PLCH1: variants seen among roughly 807,000 people sequenced by gnomAD.
The protein encoded by PLCH1 is 1-phosphatidylinositol 4,5-bisphosphate phosphodiesterase eta-1.
In PLCH1, 60 loss-of-function variants were observed where a neutral mutation model predicts 126.7. The observed-to-expected ratio is 0.47, with a 90% confidence interval of 0.38 to 0.59. The LOEUF is 0.59. Among genes scored for constraint, PLCH1 ranks in the 20% least tolerant of loss-of-function variants. The pLI, the probability that PLCH1 is intolerant of heterozygous loss-of-function variation, is 0.00. For synonymous variants in PLCH1, 719 were observed against 734.9 expected (o/e 0.98, Z 0.35); for missense variants, 1,723 against 2,040.0 (o/e 0.84, Z 2.99).
chr3:155,542,417 G>A (rs1354620536), intron 10 of PLCH1, among the ~76,000 whole-genome samples: 1 of 152,240 alleles, frequency 6.6e-6, no homozygotes, highest in African/African-American at 2.4e-5. Flanking sequence ...CACAGCTTAA[G>A]AAGGCCTGCC....
intron 2 of PLCH1, among the ~76,000 whole-genome samples, chr3:155,680,653 A>T (rs358896): frequency 6.6e-6 from 1 of 152,120 alleles, no homozygotes; most frequent in African/African-American, 2.4e-5. Flanking sequence ...TCATCAGGCA[A>T]GATGCAGCAA....
intron 1 of PLCH1, among the ~76,000 whole-genome samples, chr3:155,723,038 G>A (rs1748064065): frequency 6.6e-6 from 1 of 152,106 alleles, no homozygotes; most frequent in Non-Finnish European, 1.5e-5. Flanking sequence ...TTTCTTCCTA[G>A]TTTAATCTAG....
chr3:155,553,986 G>A, intron 9 of PLCH1, 90 bp downstream of exon 9: 1 of 1,283,356 alleles, frequency 7.8e-7, no homozygotes, highest in Non-Finnish European at 1.1e-6. Context: ...TAGAGTCCAA[G>A]GAAGAGGATG....
At chr3:155,512,920 G>GC (rs1719788514) in intron 12 of PLCH1, among the ~76,000 whole-genome samples, 1 of 152,216 alleles carries the variant, frequency 6.6e-6, no homozygotes, top group Admixed American at 6.5e-5. Flanking sequence ...TATTCAGGCA[G>GC]CAGCAGTTCA....
intron 8 of PLCH1, among the ~76,000 whole-genome samples, chr3:155,560,888 C>T (rs1197587281): frequency 1.3e-5 from 2 of 152,152 alleles, no homozygotes; most frequent in African/African-American, 4.8e-5. Flanking sequence ...CCTCAACCTC[C>T]TTACCCTGGC....
At chr3:155,542,129 A>C (rs1236422447) in intron 10 of PLCH1, among the ~76,000 whole-genome samples, 1 of 152,196 alleles carries the variant, frequency 6.6e-6, no homozygotes, top group African/African-American at 2.4e-5. Context: ...TCCCTTTCCC[A>C]GTCAAAGAAA....
chr3:155,583,504 C>A lies in PLCH1; in HGVS notation c.739G>T (p.Glu247Ter). The A allele has an allele frequency of 6.2e-7, 1 of 1,606,432 alleles. No homozygotes were observed. Among genetic ancestry groups the A allele is most frequent in the South Asian group, 1.1e-5 (1 of 89,402 alleles). The change falls in exon 6 of 23, where the codon GAA (glutamate) becomes TAA (stop). Residue 247 changes from glutamate to a stop codon, truncating the protein, a stop_gained. Transcript: ENST00000460012. LOFTEE classifies it high-confidence loss of function. ...TCCACCTTCAAAAACTGAGCCAGTT[C>A]TTCCACAGTTAGGTGATCTTTCTTG... ...SDKKDHLTVE[E>*]LAQFLKVEQK...
At chr3:155,734,396 A>T (rs1422733577) in intron 1 of PLCH1, among the ~76,000 whole-genome samples, 1 of 152,184 alleles carries the variant, frequency 6.6e-6, no homozygotes, top group Admixed American at 6.5e-5. Flanking sequence ...TGAGGTCAAG[A>T]CTGCAGTGAG....
At chr3:155,567,690 G>C (rs1303464637) in intron 7 of PLCH1, among the ~76,000 whole-genome samples, 1 of 152,084 alleles carries the variant, frequency 6.6e-6, no homozygotes, top group Admixed American at 6.6e-5. Flanking sequence ...AACATTTCAG[G>C]AGCTAGATTC....
intron 15 of PLCH1, 151 bp from the exon 16 acceptor site, chr3:155,494,668 A>G (rs1716762711): frequency 1.6e-6 from 1 of 640,294 alleles, no homozygotes; most frequent in Admixed American, 2.9e-5. Context: ...CAGCTCCTCA[A>G]CAGAAAAGAC....
At chr3:155,513,819 T>A (rs1345042305) in intron 12 of PLCH1, among the ~76,000 whole-genome samples, 2 of 152,294 alleles carry the variant, frequency 1.3e-5, no homozygotes, top group Admixed American at 6.5e-5. Context: ...AAGCCAATAT[T>A]ATCCTATACT....
chr3:155,489,275 T>A (rs1387003914), intron 19 of PLCH1, among the ~76,000 whole-genome samples: 1 of 152,214 alleles, frequency 6.6e-6, no homozygotes, highest in African/African-American at 2.4e-5. Context: ...CTATTGTACA[T>A]ACATCCTCTT....
intron 8 of PLCH1, among the ~76,000 whole-genome samples, chr3:155,556,286 G>T (rs1166073435): frequency 6.6e-6 from 1 of 152,178 alleles, no homozygotes; most frequent in African/African-American, 2.4e-5. Context: ...CCGGGAGGTG[G>T]AGGATGCAGT....
chr3:155,672,923 C>G (rs1743676705), intron 2 of PLCH1, among the ~76,000 whole-genome samples: 1 of 152,086 alleles, frequency 6.6e-6, no homozygotes, highest in Non-Finnish European at 1.5e-5. Flanking sequence ...TTTACTGCAA[C>G]AGCTTTCTGG....
intron 2 of PLCH1, among the ~76,000 whole-genome samples, chr3:155,667,123 A>G (rs1482487145): frequency 6.6e-6 from 1 of 152,164 alleles, no homozygotes; most frequent in East Asian, 1.9e-4. Flanking sequence ...CCCAAAATCC[A>G]TATTTTTAAA....
In PLCH1 at chr3:155,494,354, G is replaced by A. The variant is rs779270275; in HGVS notation, c.2058C>T (p.Asn686=). The change falls in exon 16 of 23, where the codon AAC becomes AAT. Residue 686 remains asparagine (N), a synonymous_variant. Coordinates refer to ENST00000460012, the MANE Select transcript of PLCH1 (RefSeq NM_014996.4). ...AATACACACCTAGCTGGCAGCCTGC[G>A]TTCCAGTAGGGGAGAGGGTTGAAGT... is the stretch of plus-strand genomic sequence containing the variant. ...SSNFNPLPYW[N]AGCQLVALNY... is the part of the protein sequence containing the mutation. The A allele has an allele frequency of 1.5e-5, 24 of 1,613,944 alleles. No individual in the cohort carries two copies. The highest frequency in any genetic ancestry group is 3.3e-5 in the Admixed American group (2 of 59,996).
rs533468936 is a variant in PLCH1 at position 155,709,941 on chromosome 3, G to A, written c.-40-5677C>T. ...CCTTTTTAAAAATTTTAATCAGGTT[G>A]TTTACTTATTGTCAAGCTTTAAGAA... On this transcript the variant is annotated intron_variant, in intron 1 of 22. Transcript: ENST00000460012. 3.3e-3 allele frequency among the ~76,000 whole-genome samples: 499 copies of A among 152,204 alleles called. 3 individuals are homozygous for A. Among genetic ancestry groups the A allele is most frequent in the Non-Finnish European group, 5.6e-3 (379 of 68,014 alleles).
At chr3:155,588,999 G>T (rs1265468042) in intron 4 of PLCH1, among the ~76,000 whole-genome samples, 1 of 152,144 alleles carries the variant, frequency 6.6e-6, no homozygotes, top group Non-Finnish European at 1.5e-5. Flanking sequence ...TCATAATTAA[G>T]ATATGAGTGT....
intron 2 of PLCH1, among the ~76,000 whole-genome samples, chr3:155,664,903 C>T (rs1742559655): frequency 6.6e-6 from 1 of 152,166 alleles, no homozygotes; most frequent in East Asian, 1.9e-4. Context: ...AAGATTTGAG[C>T]TTCCACCTTA....
Sources: allele counts gnomAD v4.1 joint callset (sites outside exome capture counted in the v4.1 genomes callset), GRCh38; gene constraint gnomAD v4.1.1; transcripts MANE v1.5; gene names NCBI Gene and HGNC (gene_info 2026-07-23, HGNC 2026-07-21).